Variants in BRMS1L observed in about 807,000 individuals in gnomAD.
The protein encoded by BRMS1L is breast cancer metastasis-suppressor 1-like protein.
A neutral mutation model predicts 50.3 loss-of-function variants in BRMS1L; 23 were observed. The observed-to-expected ratio is 0.46, with a 90% CI of 0.33 to 0.65. BRMS1L has a LOEUF of 0.65. Among genes scored for constraint, BRMS1L ranks in the 30% least tolerant of loss-of-function variants. The pLI, the probability that BRMS1L is intolerant of heterozygous loss-of-function variation, is 0.02. For synonymous variants in BRMS1L, 114 were observed against 126.9 expected (o/e 0.90, Z 0.69); for missense variants, 286 against 386.1 (o/e 0.74, Z 2.17).
At chr14:35,828,092 C>T (rs1357267382) in intron 1 of BRMS1L, among the ~76,000 whole-genome samples, 2 of 151,842 alleles carry the variant, frequency 1.3e-5, no homozygotes, top group African/African-American at 2.4e-5. Flanking sequence ...AGGAGAGTGG[C>T]GGTAGCATCA....
At chr14:35,839,921 T>G (rs1246581633) in intron 4 of BRMS1L, among the ~76,000 whole-genome samples, 1 of 152,200 alleles carries the variant, frequency 6.6e-6, no homozygotes, top group Non-Finnish European at 1.5e-5. Context: ...ATACGAGTGG[T>G]GAGAGAGGAC....
At chr14:35,859,003 G>A (rs528501734) in intron 4 of BRMS1L, among the ~76,000 whole-genome samples, 44 of 150,248 alleles carry the variant, frequency 2.9e-4, no homozygotes, top group Non-Finnish European at 5.5e-4. Context: ...GTGCAGTGGT[G>A]CAATCTCGGA....
intron 4 of BRMS1L, among the ~76,000 whole-genome samples, chr14:35,856,655 C>T (rs960066681): frequency 1.3e-5 from 2 of 151,782 alleles, no homozygotes; most frequent in African/African-American, 2.4e-5. Flanking sequence ...TCTGTCACCC[C>T]GGGTGGAGTG....
chr14:35,834,800 C>A, intron 3 of BRMS1L, 44 bp from the exon 4 acceptor site: 1 of 1,336,974 alleles, frequency 7.5e-7, no homozygotes, highest in Non-Finnish European at 1.0e-6. Context: ...GATAATGGAA[C>A]TTCTCATTGC....
intron 4 of BRMS1L, among the ~76,000 whole-genome samples, chr14:35,841,200 A>G (rs1447100528): frequency 6.6e-6 from 1 of 152,148 alleles, no homozygotes; most frequent in Non-Finnish European, 1.5e-5. Context: ...ATTTAGCTGC[A>G]CTGTGGTCTG....
At chr14:35,848,098 T>C (rs1216285335) in intron 4 of BRMS1L, among the ~76,000 whole-genome samples, 1 of 152,164 alleles carries the variant, frequency 6.6e-6, no homozygotes, top group Non-Finnish European at 1.5e-5. Context: ...TCATATGATA[T>C]TTTTTTCAGG....
rs529387837 is a variant in BRMS1L at position 35,826,718 on chromosome 14, C to T, written c.142+60C>T. 100 of 1,589,596 alleles carry T rather than the reference C, an allele frequency of 6.3e-5. 1 individual carries two copies. The South Asian group carries it at 9.2e-4, about 15-fold the overall frequency. ...CGCCCAGCGCGCGACAGGCCGCTCTCCGCACGCCAGGCGGCTGCGTCCTGC... is the reference window on the plus strand; with the variant it reads ...CGCCCAGCGCGCGACAGGCCGCTCTTCGCACGCCAGGCGGCTGCGTCCTGC... On this transcript the variant is annotated intron_variant, in intron 1 of 9. Transcript: ENST00000216807.
intron 4 of BRMS1L, among the ~76,000 whole-genome samples, chr14:35,842,665 T>C (rs1376100168): frequency 1.3e-5 from 2 of 152,224 alleles, no homozygotes; most frequent in Admixed American, 6.5e-5. Flanking sequence ...TTGGGGTTGC[T>C]CTTCTCGAGG....
intron 4 of BRMS1L, among the ~76,000 whole-genome samples, chr14:35,846,745 C>T (rs2078139960): frequency 6.6e-6 from 1 of 152,168 alleles, no homozygotes; most frequent in Non-Finnish European, 1.5e-5. Flanking sequence ...TGATGTCTTC[C>T]AGTTTCCCCA....
At chr14:35,838,215 A>G (rs551015357) in intron 4 of BRMS1L, among the ~76,000 whole-genome samples, 9 of 152,186 alleles carry the variant, frequency 5.9e-5, no homozygotes, top group Admixed American at 2.0e-4. Flanking sequence ...ATCCTTTTCT[A>G]TGGCTGCATA....
rs555451383 is a variant in BRMS1L, at chr14:35,862,586, C to G, written c.442-4C>G. On this transcript the variant is annotated splice_polypyrimidine_tract_variant and splice_region_variant and intron_variant, in intron 4 of 9. Coordinates refer to ENST00000216807, the MANE Select transcript of BRMS1L (RefSeq NM_032352.4). Reference sequence around the variant, plus strand: ...ACTTAAGTATAATCTGTTTTTCTCCCCAGAGCGAAAAGCTGTTGCTATATG... The same window carrying G: ...ACTTAAGTATAATCTGTTTTTCTCCGCAGAGCGAAAAGCTGTTGCTATATG... 1 of 1,566,896 alleles carries G rather than the reference C, an allele frequency of 6.4e-7. No individual in the cohort carries two copies. Among genetic ancestry groups the G allele is most frequent in the African/African-American group, 1.4e-5 (1 of 73,356 alleles).
At chr14:35,861,409 G>A (rs1054096499) in intron 4 of BRMS1L, among the ~76,000 whole-genome samples, 3 of 152,084 alleles carry the variant, frequency 2.0e-5, no homozygotes, top group Non-Finnish European at 2.9e-5. Context: ...CTGCTACCAC[G>A]GTCTTGTGGA....
At chr14:35,864,199 C>T (rs941721503) in intron 6 of BRMS1L, among the ~76,000 whole-genome samples, 3 of 152,146 alleles carry the variant, frequency 2.0e-5, no homozygotes, top group Non-Finnish European at 2.9e-5. Flanking sequence ...ACTTGTCGTT[C>T]ACCAAGGGCT....
At chr14:35,836,508 T>G (rs2077995783) in intron 4 of BRMS1L, among the ~76,000 whole-genome samples, 1 of 152,036 alleles carries the variant, frequency 6.6e-6, no homozygotes, top group Non-Finnish European at 1.5e-5. Context: ...ACCCAGCTAA[T>G]TTTTAAAATT....
chr14:35,826,523 G>A lies in BRMS1L; in HGVS notation c.7G>A (p.Val3Ile). The A allele has an allele frequency of 6.3e-7, 1 of 1,587,298 alleles. No individual in the cohort carries two copies. The highest frequency in any genetic ancestry group is 8.6e-7 in the Non-Finnish European group (1 of 1,167,694). Residue 3 changes from valine to isoleucine, a missense_variant, in exon 1 of 10, where the codon GTC (valine) becomes ATC (isoleucine). Coordinates refer to ENST00000216807, the MANE Select transcript of BRMS1L (RefSeq NM_032352.4). ...GCGACGGCGCGGCTGGAAAATGCCA[G>A]TCCATTCCCGAGGGGATAAGAAGGA... is the stretch of plus-strand genomic sequence containing the variant. MP[V>I]HSRGDKKETN...
intron 4 of BRMS1L, among the ~76,000 whole-genome samples, chr14:35,858,837 T>G (rs2078314504): frequency 6.6e-6 from 1 of 152,156 alleles, no homozygotes; most frequent in Admixed American, 6.5e-5. Flanking sequence ...GTACCCAGGT[T>G]CTTCCAGACT....
In BRMS1L at chr14:35,871,951, T is replaced by C. The variant is rs994769668; in HGVS notation, c.*1474T>C. The C allele has an allele frequency of 1.3e-5, 2 of 152,230 alleles. No individual in the cohort carries two copies. The highest frequency in any genetic ancestry group is 2.9e-5 in the Non-Finnish European group (2 of 68,038). The allele number at this position is 152,230 out of a possible 1,614,324, so 9.4% of individuals were successfully genotyped here. Reference sequence around the variant, plus strand: ...AAATTTAGTATATAATAAAAAGATGTGTTTCAGTGTGATTTGTAGTGTCTT... The same window carrying C: ...AAATTTAGTATATAATAAAAAGATGCGTTTCAGTGTGATTTGTAGTGTCTT... On this transcript the variant is annotated 3_prime_UTR_variant, in exon 10 of 10. Transcript: ENST00000216807.
At chr14:35,850,655 G>A (rs1350730548) in intron 4 of BRMS1L, among the ~76,000 whole-genome samples, 1 of 152,148 alleles carries the variant, frequency 6.6e-6, no homozygotes, top group East Asian at 1.9e-4. Flanking sequence ...TATCTTCTAC[G>A]TTTTATTCAA....
chr14:35,849,679 A>C (rs533727980), intron 4 of BRMS1L, among the ~76,000 whole-genome samples: 3 of 152,174 alleles, frequency 2.0e-5, no homozygotes, highest in Non-Finnish European at 2.9e-5. Flanking sequence ...CATTTCCCTG[A>C]TGATTAATGA....
Sources: allele counts gnomAD v4.1 joint callset (sites outside exome capture counted in the v4.1 genomes callset), GRCh38; gene constraint gnomAD v4.1.1; transcripts MANE v1.5; gene names NCBI Gene and HGNC (gene_info 2026-07-23, HGNC 2026-07-21).